UGT2B7: variants seen among roughly 807,000 people sequenced by gnomAD.
UGT2B7 encodes UDP-glucuronosyltransferase 2B7.
Under a neutral mutation model 51.9 loss-of-function variants are expected in UGT2B7, and 51 were observed. The observed-to-expected ratio is 0.98, with a 90% confidence interval of 0.78 to 1.24. The LOEUF (loss-of-function observed/expected upper bound fraction) is 1.24, where lower values mean the gene tolerates loss of function less well. Ranked by LOEUF, UGT2B7 falls within the 50% of genes most tolerant of loss-of-function variation. The probability of loss-of-function intolerance (pLI) is 0.00; values close to 1 mark genes in which losing one functional copy is unlikely to be tolerated. For missense variants in UGT2B7, 727 were observed against 628.4 expected, an observed-to-expected ratio of 1.16 and a Z score of -1.68; for synonymous variants, 225 against 211.6, an observed-to-expected ratio of 1.06 and a Z score of -0.55.
Position 69,096,646 on chromosome 4 carries a change from C to T in UGT2B7, c.126C>T (p.Ile42=). The change falls in exon 1 of 6, where the codon ATC becomes ATT. Residue 42 remains isoleucine, a synonymous_variant. Coordinates refer to ENST00000305231, the MANE Select transcript of UGT2B7 (RefSeq NM_001074.4). The stretch of plus-strand genomic sequence containing the variant: ...GCCATTGGATGAATATAAAGACAAT[C>T]CTGGATGAGCTTATTCAGAGAGGTC... The part of the protein sequence containing the change: ...EYSHWMNIKT[I]LDELIQRGHE... 6.2e-7 allele frequency: 1 copy of T among 1,613,974 alleles called. No homozygotes were observed. The highest frequency in any genetic ancestry group is 8.5e-7 in the Non-Finnish European group (1 of 1,179,904).
At chr4:69,059,089 G>A (rs1313913291) in intron 1 of UGT2B7, among the ~76,000 whole-genome samples, 1 of 152,208 alleles carries the variant, frequency 6.6e-6, no homozygotes, top group Non-Finnish European at 1.5e-5. Context: ...GACTGGCAGG[G>A]GCTGAAGGAT....
At chr4:69,054,489 G>A (rs778440789) in intron 1 of UGT2B7, among the ~76,000 whole-genome samples, 1 of 152,126 alleles carries the variant, frequency 6.6e-6, no homozygotes, top group Non-Finnish European at 1.5e-5. Flanking sequence ...AGATACCAAA[G>A]CTTGCTCTGT....
chr4:69,094,054 T>C (rs1367073780), upstream of UGT2B7, among the ~76,000 whole-genome samples: 1 of 152,164 alleles, frequency 6.6e-6, no homozygotes, highest in Non-Finnish European at 1.5e-5. Context: ...TTCTGAGATG[T>C]TGCAGATTTG....
Position 69,112,912 on chromosome 4 carries a change from AC to A in UGT2B7, c.*179del. 2.1e-6 allele frequency: 2 copies of A among 953,474 alleles called. No homozygotes were observed. Among genetic ancestry groups the A allele is most frequent in the Non-Finnish European group, 2.9e-6 (2 of 685,926 alleles). 59.1% of individuals were successfully genotyped at this position (953,474 alleles called of 1,614,324 possible). A position where few individuals can be genotyped will look rare whatever the true frequency, so the allele number is the denominator to read the frequency against. Reference sequence around the variant, plus strand: ...AAAATTTGTTTTTCAGAGATTTACCACCCAGTTCATGGTTAGAAATATTTTG... The same window carrying A: ...AAAATTTGTTTTTCAGAGATTTACCACCAGTTCATGGTTAGAAATATTTTG... On this transcript the variant is annotated 3_prime_UTR_variant, in exon 6 of 6. Transcript: ENST00000305231.
chr4:69,059,744 G>T (rs781481566), intron 1 of UGT2B7, among the ~76,000 whole-genome samples: 5 of 152,196 alleles, frequency 3.3e-5, no homozygotes, highest in African/African-American at 4.8e-5. Flanking sequence ...TCAAATGCCA[G>T]TCACCATGGA....
chr4:69,055,776 C>A (rs1405475173), intron 1 of UGT2B7, among the ~76,000 whole-genome samples: 1 of 152,156 alleles, frequency 6.6e-6, no homozygotes, highest in East Asian at 1.9e-4. Flanking sequence ...CCCTGATCAT[C>A]TCTAGGTTCT....
chr4:69,098,654 G>A lies in UGT2B7; in HGVS notation c.836G>A (p.Gly279Glu), dbSNP rs1467570394. Residue 279 changes from glycine (G) to glutamate (E), a missense_variant, in exon 2 of 6, where the codon GGA (glycine) becomes GAA (glutamate). By Grantham distance (98) the Gly-to-Glu change is moderately conservative. Transcript: ENST00000305231. ...TTACCAAATGTTGATTTTGTTGGAG[G>A]ACTCCACTGCAAACCTGCCAAACCC... ...PLLPNVDFVG[G>E]LHCKPAKPLP... is the part of the protein sequence containing the mutation. The A allele has an allele frequency of 1.2e-6, 2 of 1,612,170 alleles. No homozygotes were observed. Among genetic ancestry groups the A allele is most frequent in the South Asian group, 1.1e-5 (1 of 90,890 alleles).
intron 5 of UGT2B7, among the ~76,000 whole-genome samples, chr4:69,109,207 T>G (rs1221977491): frequency 6.6e-6 from 1 of 152,194 alleles, no homozygotes; most frequent in Non-Finnish European, 1.5e-5. Context: ...TTAGGAAGAT[T>G]GCTACACATG....
At chr4:69,108,780 T>G (rs1037507001) in intron 5 of UGT2B7, among the ~76,000 whole-genome samples, 7 of 151,944 alleles carry the variant, frequency 4.6e-5, no homozygotes, top group African/African-American at 1.7e-4. Flanking sequence ...AAAACCCCCC[T>G]GTTTATGTTA....
chr4:69,102,866 G>T lies in UGT2B7; in HGVS notation c.930G>T (p.Gly310=), dbSNP rs139573817. ...ATGGTGTTGTGGTGTTTTCTCTGGGGTCAATGGTCAGTAACATGACAGAAG... is the reference window on the plus strand; with the variant it reads ...ATGGTGTTGTGGTGTTTTCTCTGGGTTCAATGGTCAGTAACATGACAGAAG... ...GENGVVVFSL[G]SMVSNMTEER... The change falls in exon 3 of 6, where the codon GGG becomes GGT. Residue 310 remains glycine, a synonymous_variant. Transcript: ENST00000305231. 1 of 1,613,500 alleles carries T rather than the reference G, an allele frequency of 6.2e-7. No individual in the cohort carries two copies. The highest frequency in any genetic ancestry group is 1.3e-5 in the African/African-American group (1 of 74,856).
chr4:69,109,790 G>A (rs941084754), intron 5 of UGT2B7, among the ~76,000 whole-genome samples: 3 of 151,974 alleles, frequency 2.0e-5, no homozygotes, highest in African/African-American at 7.2e-5. Context: ...TCCTTGTGGA[G>A]TCCAGCTACC....
chr4:69,055,943 C>T (rs1718181503), intron 1 of UGT2B7, among the ~76,000 whole-genome samples: 1 of 152,140 alleles, frequency 6.6e-6, no homozygotes, highest in Non-Finnish European at 1.5e-5. Context: ...GAAATCCATT[C>T]AGTAAATTTC....
chr4:69,058,401 C>A (rs1718259900), intron 1 of UGT2B7, among the ~76,000 whole-genome samples: 1 of 152,160 alleles, frequency 6.6e-6, no homozygotes, highest in Non-Finnish European at 1.5e-5. Context: ...CCAGTCAGGT[C>A]ATGTTTGGGC....
At chr4:69,065,587 T>G (rs1373146792) in intron 1 of UGT2B7, among the ~76,000 whole-genome samples, 3 of 152,216 alleles carry the variant, frequency 2.0e-5, no homozygotes, top group Non-Finnish European at 2.9e-5. Context: ...AAATTTTTTC[T>G]TGGAAGAAGC....
rs369306231 is a variant in UGT2B7 at position 69,111,517 on chromosome 4, G to T, written c.1311-940G>T. On this transcript the variant is annotated intron_variant, in intron 5 of 5. Coordinates refer to ENST00000305231, the MANE Select transcript of UGT2B7 (RefSeq NM_001074.4). ...ACGATCTTTCTCATAGCACTTAAAA[G>T]GGCTCATGATGTTGAGCATGTTCTC... 5.9e-5 allele frequency among the ~76,000 whole-genome samples: 9 copies of T among 152,090 alleles called. No individual in the cohort carries two copies. The East Asian group carries it at 9.7e-4, about 16-fold the overall frequency.
intron 3 of UGT2B7, 113 bp downstream of exon 3, chr4:69,103,051 A>C: frequency 3.3e-6 from 5 of 1,512,936 alleles, no homozygotes; most frequent in Non-Finnish European, 4.4e-6. Flanking sequence ...AAAGTTGAAA[A>C]ATTAGAACAA....
At chr4:69,067,152 A>G (rs4259121) in intron 1 of UGT2B7, among the ~76,000 whole-genome samples, 27,971 of 152,036 alleles carry the variant, frequency 0.18, 2,900 homozygotes, top group Admixed American at 0.3. Flanking sequence ...ATTTGTCCAC[A>G]TGACAATATT....
intron 1 of UGT2B7, among the ~76,000 whole-genome samples, chr4:69,073,688 G>A (rs190770668): frequency 2.6e-4 from 40 of 152,196 alleles, no homozygotes; most frequent in African/African-American, 8.7e-4. Flanking sequence ...TAAATGCTTG[G>A]ACAAATCATA....
In UGT2B7 at chr4:69,073,268, A is replaced by G. The variant is rs78136310; in HGVS notation, c.-158-16204A>G. ...CCAAAAATGGATATTAACTTTCACC[A>G]ATTCAAAGCATATCAAGATGTCTCA... is the stretch of plus-strand genomic sequence containing the variant. On this transcript the variant is annotated intron_variant, in intron 1 of 5. Coordinates refer to the UGT2B7 transcript ENST00000502942. Among the ~76,000 whole-genome samples the G allele has an allele frequency of 7.3e-3, 1,113 of 152,232 alleles. 10 individuals are homozygous for G. Among genetic ancestry groups the G allele is most frequent in the East Asian group, 0.049 (255 of 5,164 alleles).
Sources: allele counts gnomAD v4.1 joint callset (sites outside exome capture counted in the v4.1 genomes callset), GRCh38; gene constraint gnomAD v4.1.1; transcripts MANE v1.5; gene names NCBI Gene and HGNC (gene_info 2026-07-23, HGNC 2026-07-21).